The following PDLIM5 variants were observed in gnomAD, a reference collection of about 807,000 sequenced individuals.
PDLIM5 encodes the protein PDZ and LIM domain protein 5.
PDLIM5 carries 34 observed loss-of-function variants against 64.2 expected under a neutral mutation model. That is an observed-to-expected ratio of 0.53 (90% CI 0.40 to 0.71). The LOEUF is 0.71. Ranked by LOEUF, PDLIM5 falls within the 30% of genes least tolerant of loss-of-function variation. PDLIM5 has a pLI of 0.00. For missense variants in PDLIM5, 683 were observed against 733.6 expected, an observed-to-expected ratio of 0.93 and a Z score of 0.80; for synonymous variants, 253 against 269.1, an observed-to-expected ratio of 0.94 and a Z score of 0.59.
intron 7 of PDLIM5, chr4:94,611,147 C>A: frequency 6.5e-7 from 1 of 1,535,076 alleles, no homozygotes; most frequent in South Asian, 1.2e-5. Context: ...TAGCTTTTTC[C>A]TATCTGCAGT....
In PDLIM5 at chr4:94,607,583, G is replaced by T. The variant is rs1738028853; in HGVS notation, c.921-10421G>T. ...ATCTACAGACAGAACATTCTGACGT[G>T]AAACTTTTGGTTGCTTTCTTGTAGG... On this transcript the variant is annotated intron_variant, in intron 7 of 12. Transcript: ENST00000317968. 2.0e-5 allele frequency among the ~76,000 whole-genome samples: 3 copies of T among 152,168 alleles called. No individual in the cohort carries two copies. In the South Asian group the frequency reaches 6.2e-4, roughly 32 times the overall value.
intron 7 of PDLIM5, among the ~76,000 whole-genome samples, chr4:94,601,852 G>A (rs1336788355): frequency 1.3e-5 from 2 of 152,162 alleles, no homozygotes; most frequent in African/African-American, 2.4e-5. Context: ...CTGAGGTTTA[G>A]TTGATTTAGT....
Position 94,523,760 on chromosome 4 carries a change from A to G in PDLIM5, c.133A>G (p.Arg45Gly). 2 of 1,613,236 alleles carry G rather than the reference A, an allele frequency of 1.2e-6. No individual in the cohort carries two copies. The highest frequency in any genetic ancestry group is 1.7e-6 in the Non-Finnish European group (2 of 1,179,252). ...DGGKAAQANV[R>G]IGDVVLSIDG... ...CGGCAAGGCAGCCCAGGCAAATGTA[A>G]GAATAGGCGATGTGGTTCTCAGCAT... The change falls in exon 3 of 13, where the codon AGA becomes GGA. Residue 45 changes from arginine to glycine, a missense_variant. By Grantham distance (125) the Arg-to-Gly change is moderately radical. Transcript: ENST00000317968.
intron 3 of PDLIM5, among the ~76,000 whole-genome samples, chr4:94,569,540 A>G (rs1421243113): frequency 6.6e-6 from 1 of 151,998 alleles, no homozygotes; most frequent in Non-Finnish European, 1.5e-5. Flanking sequence ...GGCTGGTCTC[A>G]AACTCCTGAC....
At chr4:94,514,306 T>C (rs950731698) in intron 2 of PDLIM5, among the ~76,000 whole-genome samples, 1 of 151,988 alleles carries the variant, frequency 6.6e-6, no homozygotes, top group Admixed American at 6.6e-5. Context: ...AGCTAATTTT[T>C]TGTATTTTTA....
intron 9 of PDLIM5, among the ~76,000 whole-genome samples, chr4:94,640,897 A>T (rs1056440078): frequency 1.3e-5 from 2 of 152,238 alleles, no homozygotes; most frequent in African/African-American, 4.8e-5. Context: ...TTTTGAGTAC[A>T]CAAGCACTGA....
At chr4:94,570,763 T>G (rs1734741461) in intron 3 of PDLIM5, among the ~76,000 whole-genome samples, 1 of 152,198 alleles carries the variant, frequency 6.6e-6, no homozygotes, top group Admixed American at 6.5e-5. Context: ...CCCTAGTGTT[T>G]ATGGGTCCCA....
chr4:94,503,664 T>C (rs1728130315), intron 2 of PDLIM5, among the ~76,000 whole-genome samples: 1 of 152,208 alleles, frequency 6.6e-6, no homozygotes, highest in South Asian at 2.1e-4. Context: ...GATTGTCCTA[T>C]TTTAAAAAAC....
At position 94,662,468 on chromosome 4, in the gene PDLIM5, C is replaced by T. The variant is rs140894265; in HGVS notation, c.1632C>T (p.Pro544=). 149 of 1,606,210 alleles carry T rather than the reference C, an allele frequency of 9.3e-5. 1 individual carries two copies. The Admixed American group carries it at 9.3e-4, about 10-fold the overall frequency. The change falls in exon 12 of 13, where the codon CCC becomes CCT. Residue 544 remains proline (P), a synonymous_variant. Transcript: ENST00000317968. ...FGTICHGCEF[P]IEAGDMFLEA... is the part of the protein sequence containing the mutation. ...CTATATGCCATGGATGTGAATTTCC[C>T]ATAGAAGCTGGTGACATGTTCCTGG...
chr4:94,568,459 T>C (rs183735886), intron 3 of PDLIM5, among the ~76,000 whole-genome samples: 13 of 152,358 alleles, frequency 8.5e-5, no homozygotes, highest in Non-Finnish European at 1.8e-4. Flanking sequence ...ATAGTAATAA[T>C]GAATTACTCT....
chr4:94,528,094 A>G (rs1360692894), intron 3 of PDLIM5, among the ~76,000 whole-genome samples: 2 of 152,086 alleles, frequency 1.3e-5, no homozygotes, highest in Non-Finnish European at 2.9e-5. Flanking sequence ...ACCACTCATC[A>G]CTGAATGCCC....
rs148685095 is a variant in PDLIM5, at chr4:94,628,210, C to CT, written c.1108+10020dup. Among the ~76,000 whole-genome samples, 1,341 of 152,256 alleles carry CT rather than the reference C, an allele frequency of 8.8e-3. 9 individuals are homozygous for CT. Among genetic ancestry groups the CT allele is most frequent in the Non-Finnish European group, 0.014 (978 of 68,018 alleles). On this transcript the variant is annotated intron_variant, in intron 8 of 12. Coordinates refer to ENST00000317968, the MANE Select transcript of PDLIM5 (RefSeq NM_006457.5). ...AATGATGACATTTCTAACATCACAG[C>CT]TAGAAAGCCCAGAACTAGGAGCCTA...
rs914175812 is a variant in PDLIM5, at chr4:94,607,991, GAT to G, written c.921-10011_921-10010del. ...TAGACATTTAAAAGATGGTATAGATGATAAATGTCTTTTGTACTTTTCATTAA... is the reference window on the plus strand; with the variant it reads ...TAGACATTTAAAAGATGGTATAGATGAAATGTCTTTTGTACTTTTCATTAA... On this transcript the variant is annotated intron_variant, in intron 7 of 12. Transcript: ENST00000317968. 6.1e-6 allele frequency: 7 copies of G among 1,139,654 alleles called. No homozygotes were observed. In the African/African-American group the frequency reaches 9.3e-5, roughly 15 times the overall value. 70.6% of individuals were successfully genotyped at this position (1,139,654 alleles called of 1,614,324 possible). A position where few individuals can be genotyped will look rare whatever the true frequency, so the allele number is the denominator to read the frequency against.
intron 2 of PDLIM5, chr4:94,456,159 A>G (rs1161329604): frequency 8.5e-6 from 4 of 472,448 alleles, no homozygotes; most frequent in Non-Finnish European, 1.4e-5. Context: ...TCAAATAAAT[A>G]TGAATTTCCA....
chr4:94,494,432 G>GGTTTTTTT lies in PDLIM5; in HGVS notation c.97-29292_97-29291insGTTTTTTT, dbSNP rs1553940971. 3.9e-3 allele frequency among the ~76,000 whole-genome samples: 275 copies of GGTTTTTTT among 70,750 alleles called. 34 individuals are homozygous for GGTTTTTTT. Among genetic ancestry groups the GGTTTTTTT allele is most frequent in the Non-Finnish European group, 6.8e-3 (245 of 36,240 alleles). 46.4% of individuals were successfully genotyped at this position (70,750 alleles called of 152,430 possible). On this transcript the variant is annotated intron_variant, in intron 2 of 12. Coordinates refer to ENST00000317968, the MANE Select transcript of PDLIM5 (RefSeq NM_006457.5). ...AGCATTCACTAATTTTTTTTTTCTTGTTTTTTTTTTTTTTTTTTTTTTTTG... is the reference window on the plus strand; with the variant it reads ...AGCATTCACTAATTTTTTTTTTCTTGGTTTTTTTTTTTTTTTTTTTTTTTTTTTTTTTG...
intron 12 of PDLIM5, 39 bp downstream of exon 12, chr4:94,662,576 A>T: frequency 2.2e-6 from 2 of 890,972 alleles, no homozygotes; most frequent in Non-Finnish European, 3.7e-6. Flanking sequence ...GGGGTATAGT[A>T]TGGCCAATTC....
At position 94,558,245 on chromosome 4, in the gene PDLIM5, A is replaced by T. The variant is rs188747148; in HGVS notation, c.249-15106A>T. On this transcript the variant is annotated intron_variant, in intron 3 of 12. Coordinates refer to ENST00000317968, the MANE Select transcript of PDLIM5 (RefSeq NM_006457.5). ...CGTATGTTGAACCAGCCTTGCATCA[A>T]CTTGGGCAAGTTTATTGTTGTTAAG... is the stretch of plus-strand genomic sequence containing the variant. Among the ~76,000 whole-genome samples, 30 of 152,014 alleles carry T rather than the reference A, an allele frequency of 2.0e-4. 1 individual carries two copies. Among genetic ancestry groups the T allele is most frequent in the African/African-American group, 7.0e-4 (29 of 41,528 alleles).
chr4:94,591,044 A>T (rs1010063392), intron 7 of PDLIM5, among the ~76,000 whole-genome samples: 11 of 152,216 alleles, frequency 7.2e-5, no homozygotes, highest in Admixed American at 6.5e-5. Flanking sequence ...AATGTAGGGA[A>T]CACAAACAGA....
chr4:94,463,395 A>G (rs917494408), intron 2 of PDLIM5, among the ~76,000 whole-genome samples: 1 of 152,230 alleles, frequency 6.6e-6, no homozygotes, highest in African/African-American at 2.4e-5. Context: ...CATATTTTGT[A>G]TGTTATAATA....
Sources: gnomAD v4.1 joint callset for allele counts (sites outside exome capture counted in the v4.1 genomes callset) on GRCh38, gnomAD v4.1.1 for gene constraint, MANE v1.5 for transcripts, NCBI Gene and HGNC (gene_info 2026-07-23, HGNC 2026-07-21) for gene names.